The following TTC28 variants were observed in gnomAD, a reference collection of about 807,000 sequenced individuals.
TTC28 encodes the protein tetratricopeptide repeat protein 28.
In TTC28, 61 loss-of-function variants were observed where a neutral mutation model predicts 198.0. That is an observed-to-expected ratio of 0.31 (90% CI 0.25 to 0.38). The LOEUF (loss-of-function observed/expected upper bound fraction) is 0.38. Ranked by LOEUF, TTC28 falls within the 10% of genes least tolerant of loss-of-function variation. The pLI is 1.00. For synonymous variants in TTC28, 1,171 were observed against 1,297.8 expected (o/e 0.90, Z 2.10); for missense variants, 2,678 against 3,164.0 (o/e 0.85, Z 3.69).
chr22:28,057,560 C>A (rs576575499), intron 12 of TTC28, among the ~76,000 whole-genome samples: 1 of 152,012 alleles, frequency 6.6e-6, no homozygotes, highest in African/African-American at 2.4e-5. Flanking sequence ...TTGTGGCTTG[C>A]CTATCCATTT....
intron 5 of TTC28, among the ~76,000 whole-genome samples, chr22:28,271,911 G>A (rs1157580470): frequency 3.3e-5 from 5 of 152,080 alleles, no homozygotes; most frequent in African/African-American, 1.2e-4. Context: ...CTGATCTGGT[G>A]TTTTTATAAG....
intron 2 of TTC28, among the ~76,000 whole-genome samples, chr22:28,576,419 CA>C (rs2050151062): frequency 6.6e-6 from 1 of 152,046 alleles, no homozygotes; most frequent in African/African-American, 2.4e-5. Context: ...CAGTGTTCAT[CA>C]GGGGTGTGAC....
intron 5 of TTC28, among the ~76,000 whole-genome samples, chr22:28,181,486 A>G (rs1923690680): frequency 6.6e-6 from 1 of 152,196 alleles, no homozygotes; most frequent in Non-Finnish European, 1.5e-5. Context: ...CCTGTTAGAC[A>G]TTTTAATTAC....
intron 2 of TTC28, among the ~76,000 whole-genome samples, chr22:28,528,018 T>A (rs1432828204): frequency 1.3e-5 from 2 of 152,208 alleles, no homozygotes; most frequent in African/African-American, 4.8e-5. Flanking sequence ...AGCCCCATCA[T>A]GGGAGGCCCC....
intron 5 of TTC28, among the ~76,000 whole-genome samples, chr22:28,207,110 A>C (rs1926473461): frequency 5.9e-5 from 9 of 152,040 alleles, no homozygotes; most frequent in Admixed American, 5.9e-4. Context: ...CACCAAGGTT[A>C]TCTACAAATT....
intron 1 of TTC28, among the ~76,000 whole-genome samples, chr22:28,647,911 G>A (rs926955940): frequency 7.9e-5 from 12 of 151,060 alleles, no homozygotes; most frequent in African/African-American, 2.9e-4. Flanking sequence ...ATATACAAAT[G>A]GCCAACAAAT....
In TTC28 at chr22:27,983,157, T is replaced by C. The variant is rs1937083007; in HGVS notation, c.6510A>G (p.Thr2170=). The change falls in exon 23 of 23, where the codon ACA becomes ACG. Residue 2170 remains threonine (T), a synonymous_variant. Transcript: ENST00000397906. The part of the protein sequence containing the change: ...QELAQKILEE[T]QSHLIAVERL... ...GCTCCACCGCAATGAGATGACTCTG[T>C]GTCTCCTCCAGAATTTTCTGGGCTA... 2 of 1,551,746 alleles carry C rather than the reference T, an allele frequency of 1.3e-6. No individual in the cohort carries two copies. Among genetic ancestry groups the C allele is most frequent in the South Asian group, 1.2e-5 (1 of 84,070 alleles).
rs695729 is a variant in TTC28, at chr22:28,512,979, A to ATTTT, written c.381+116569_381+116572dup. Among the ~76,000 whole-genome samples, 808 of 125,846 alleles carry ATTTT rather than the reference A, an allele frequency of 6.4e-3. 19 individuals are homozygous for ATTTT. Among genetic ancestry groups the ATTTT allele is most frequent in the African/African-American group, 0.021 (711 of 33,622 alleles). 82.6% of individuals were successfully genotyped at this position (125,846 alleles called of 152,430 possible). Reference sequence around the variant, plus strand: ...TTATCTTTTGAATATTTTAACCTGGATTTTTTTTTTTTTTTTTTTTGAGAC... The same window carrying ATTTT: ...TTATCTTTTGAATATTTTAACCTGGATTTTTTTTTTTTTTTTTTTTTTTTGAGAC... On this transcript the variant is annotated intron_variant, in intron 2 of 22. Transcript: ENST00000397906.
rs2146630769 is a variant in TTC28, at chr22:28,030,220, A to G, written c.4073+6T>C. ...ACTGGGCCTGGGGAAAGCGCCCCAC[A>G]CTCACCTGTTAAACAGGTTATTGCG... is the stretch of plus-strand genomic sequence containing the variant. On this transcript the variant is annotated splice_donor_region_variant and intron_variant, in intron 13 of 22. Coordinates refer to ENST00000397906, the MANE Select transcript of TTC28 (RefSeq NM_001145418.2). The G allele has an allele frequency of 6.4e-7, 1 of 1,551,498 alleles. No homozygotes were observed. Among genetic ancestry groups the G allele is most frequent in the East Asian group, 2.4e-5 (1 of 40,908 alleles).
intron 1 of TTC28, among the ~76,000 whole-genome samples, chr22:28,669,017 T>C (rs1331601668): frequency 2.9e-4 from 15 of 51,268 alleles, no homozygotes; most frequent in African/African-American, 1.1e-3. Context: ...ATGGATGAAA[T>C]TGGAAACCAT....
At chr22:28,251,531 C>T (rs1198274876) in intron 5 of TTC28, among the ~76,000 whole-genome samples, 1 of 152,118 alleles carries the variant, frequency 6.6e-6, no homozygotes, top group Non-Finnish European at 1.5e-5. Context: ...GAGTCTATAC[C>T]TGGCTCTATC....
At chr22:28,443,339 T>C (rs2047654125) in intron 2 of TTC28, among the ~76,000 whole-genome samples, 1 of 152,208 alleles carries the variant, frequency 6.6e-6, no homozygotes, top group African/African-American at 2.4e-5. Flanking sequence ...TCAAAAAAGA[T>C]TAGACAAGCA....
At chr22:28,244,306 G>C (rs1929917476) in intron 5 of TTC28, among the ~76,000 whole-genome samples, 1 of 152,166 alleles carries the variant, frequency 6.6e-6, no homozygotes, top group South Asian at 2.1e-4. Flanking sequence ...TTAACACACA[G>C]AATGCTTTCA....
intron 2 of TTC28, among the ~76,000 whole-genome samples, chr22:28,333,148 C>T (rs547156492): frequency 4.6e-5 from 7 of 152,088 alleles, no homozygotes; most frequent in Admixed American, 3.9e-4. Flanking sequence ...TTACAAGAAC[C>T]GATTTAGTCT....
intron 5 of TTC28, among the ~76,000 whole-genome samples, chr22:28,212,386 TAATA>T: frequency 1.4e-5 from 2 of 146,160 alleles, no homozygotes; most frequent in Non-Finnish European, 3.0e-5. Flanking sequence ...CTAGCAAGAC[TAATA>T]AAGAAGAAAA....
chr22:28,207,189 G>C (rs1242954507), intron 5 of TTC28, among the ~76,000 whole-genome samples: 1 of 125,602 alleles, frequency 8.0e-6, no homozygotes, highest in Non-Finnish European at 1.7e-5. Flanking sequence ...CCTTCAAAAA[G>C]AATGCCACTT....
chr22:28,402,515 C>G (rs2046931615), intron 2 of TTC28, among the ~76,000 whole-genome samples: 1 of 152,212 alleles, frequency 6.6e-6, no homozygotes, highest in Admixed American at 6.5e-5. Flanking sequence ...CAAGGGCTTT[C>G]TGGACTTCTA....
chr22:28,216,383 G>C (rs78646982), intron 5 of TTC28, among the ~76,000 whole-genome samples: 2,299 of 152,262 alleles, frequency 0.015, 46 homozygotes, highest in Middle Eastern at 0.082. Context: ...AGCTTGGCCT[G>C]AACCTTTGGT....
At chr22:28,569,015 C>T (rs955072974) in intron 2 of TTC28, among the ~76,000 whole-genome samples, 11 of 151,866 alleles carry the variant, frequency 7.2e-5, no homozygotes, top group South Asian at 2.1e-4. Context: ...GGCATGGTGG[C>T]GCACACCTGT....
Sources: gnomAD v4.1 joint callset for allele counts (sites outside exome capture counted in the v4.1 genomes callset) on GRCh38, gnomAD v4.1.1 for gene constraint, MANE v1.5 for transcripts, NCBI Gene and HGNC (gene_info 2026-07-23, HGNC 2026-07-21) for gene names.